The following DLGAP1 variants were observed in gnomAD, a reference collection of about 807,000 sequenced individuals.
The protein encoded by DLGAP1 is DLG associated protein 1.
A neutral mutation model predicts 90.8 loss-of-function variants in DLGAP1; 11 were observed. The ratio of observed to expected loss-of-function variants is 0.12; its 90% CI spans 0.08 to 0.20. The LOEUF is 0.20. Among genes scored for constraint, DLGAP1 ranks in the 10% least tolerant of loss-of-function variants. The pLI is 1.00. For synonymous variants in DLGAP1, 558 were observed against 540.7 expected, an observed-to-expected ratio of 1.03 and a Z score of -0.44; for missense variants, 1,050 against 1,333.8, an observed-to-expected ratio of 0.79 and a Z score of 3.31.
At chr18:3,962,200 T>C (rs937522471) in intron 3 of DLGAP1, among the ~76,000 whole-genome samples, 4 of 152,244 alleles carry the variant, frequency 2.6e-5, no homozygotes, top group Non-Finnish European at 4.4e-5. Flanking sequence ...GCAGTCCTTC[T>C]TTTTTGGATT....
intron 7 of DLGAP1, among the ~76,000 whole-genome samples, chr18:3,672,765 C>T (rs182580948): frequency 2.9e-4 from 44 of 152,070 alleles, no homozygotes; most frequent in Non-Finnish European, 2.9e-4. Flanking sequence ...ATAGTGGTGG[C>T]GAGCACATGT....
chr18:4,276,747 T>A (rs2079425671), intron 1 of DLGAP1, among the ~76,000 whole-genome samples: 1 of 152,250 alleles, frequency 6.6e-6, no homozygotes, highest in African/African-American at 2.4e-5. Context: ...CTATTTTTTA[T>A]GCATAAGGTC....
intron 1 of DLGAP1, among the ~76,000 whole-genome samples, chr18:4,250,385 G>A (rs370053248): frequency 3.3e-5 from 5 of 152,254 alleles, no homozygotes; most frequent in East Asian, 3.9e-4. Flanking sequence ...TAACAGGAAC[G>A]AAAAATAATG....
At chr18:3,552,812 A>AC (rs2053549657) in intron 9 of DLGAP1, among the ~76,000 whole-genome samples, 1 of 152,182 alleles carries the variant, frequency 6.6e-6, no homozygotes, top group Non-Finnish European at 1.5e-5. Context: ...CAGAGCGCCC[A>AC]ATGCCACCCA....
chr18:3,852,605 C>T (rs111480063), intron 4 of DLGAP1, among the ~76,000 whole-genome samples: 12 of 152,194 alleles, frequency 7.9e-5, no homozygotes, highest in African/African-American at 2.6e-4. Context: ...TTAAATGATC[C>T]AACATGACAG....
At chr18:3,878,975 A>G (rs1599091895) in intron 4 of DLGAP1, 137 bp downstream of exon 4, 1 of 674,400 alleles carries the variant, frequency 1.5e-6, no homozygotes, top group Non-Finnish European at 2.2e-6. Context: ...AATTCGGCAC[A>G]GAGATGCCGA....
At chr18:4,261,774 A>G (rs2079008105) in intron 1 of DLGAP1, among the ~76,000 whole-genome samples, 3 of 152,302 alleles carry the variant, frequency 2.0e-5, no homozygotes, top group South Asian at 2.1e-4. Context: ...TCCTCATGCT[A>G]AAAGGTAAAT....
chr18:4,121,311 A>T (rs1034782443), intron 2 of DLGAP1, among the ~76,000 whole-genome samples: 4 of 152,176 alleles, frequency 2.6e-5, no homozygotes, highest in African/African-American at 7.2e-5. Context: ...TGTGGAAGTC[A>T]GGATGGGCAA....
chr18:3,529,768 A>G (rs964828396), intron 10 of DLGAP1, among the ~76,000 whole-genome samples: 13 of 152,192 alleles, frequency 8.5e-5, no homozygotes, highest in African/African-American at 3.1e-4. Flanking sequence ...TTGAACAACA[A>G]ATTAGGCCTG....
chr18:4,255,493 A>G (rs545332045), intron 1 of DLGAP1, among the ~76,000 whole-genome samples: 1 of 138,268 alleles, frequency 7.2e-6, no homozygotes, highest in South Asian at 2.1e-4. Context: ...ATATATTTAT[A>G]TACAGATGAA....
chr18:3,530,193 G>A (rs2051899561), intron 10 of DLGAP1, among the ~76,000 whole-genome samples: 1 of 152,136 alleles, frequency 6.6e-6, no homozygotes, highest in East Asian at 1.9e-4. Context: ...ATTGCTTGAG[G>A]CCAGGAGTTT....
intron 8 of DLGAP1, among the ~76,000 whole-genome samples, chr18:3,568,906 TC>T (rs2054596016): frequency 6.6e-6 from 1 of 151,952 alleles, no homozygotes; most frequent in African/African-American, 2.4e-5. Context: ...CAGGATGGTC[TC>T]GATCTCCTGA....
chr18:4,133,949 A>C (rs982757257), intron 2 of DLGAP1, among the ~76,000 whole-genome samples: 1 of 151,896 alleles, frequency 6.6e-6, no homozygotes, highest in African/African-American at 2.4e-5. Flanking sequence ...AGAAAGAATA[A>C]ATCGAGGATG....
At chr18:4,073,971 T>C (rs141928854) in intron 2 of DLGAP1, among the ~76,000 whole-genome samples, 3 of 152,252 alleles carry the variant, frequency 2.0e-5, no homozygotes, top group African/African-American at 4.8e-5. Flanking sequence ...GAAGTGAAGA[T>C]GAAGACATTG....
Position 3,577,644 on chromosome 18 carries a change from A to C in DLGAP1, c.1965+4231T>G, listed in dbSNP as rs1310402155. On this transcript the variant is annotated intron_variant, in intron 8 of 12. Coordinates refer to ENST00000315677, the MANE Select transcript of DLGAP1 (RefSeq NM_004746.4). ...GGGTTCATCAGAACAAGAATGGAGG[A>C]TATTGTTCTCTGCCTGGTCCAAGCC... Among the ~76,000 whole-genome samples the C allele has an allele frequency of 3.9e-5, 6 of 152,182 alleles. No individual in the cohort carries two copies. In the South Asian group the frequency reaches 1.0e-3, roughly 26 times the overall value.
chr18:3,937,867 A>T (rs2072677694), intron 3 of DLGAP1, among the ~76,000 whole-genome samples: 1 of 152,180 alleles, frequency 6.6e-6, no homozygotes, highest in Non-Finnish European at 1.5e-5. Flanking sequence ...TCTGGCTATG[A>T]TGTTTGCAAG....
At chr18:3,715,233 T>G (rs2061724970) in intron 7 of DLGAP1, among the ~76,000 whole-genome samples, 1 of 152,120 alleles carries the variant, frequency 6.6e-6, no homozygotes, top group South Asian at 2.1e-4. Flanking sequence ...CCCCTAGAGC[T>G]GTTGGAATGG....
chr18:3,933,070 G>A (rs1324450741), intron 3 of DLGAP1, among the ~76,000 whole-genome samples: 2 of 152,212 alleles, frequency 1.3e-5, no homozygotes, highest in Non-Finnish European at 2.9e-5. Flanking sequence ...CTTGGGAGTT[G>A]CAGTTGGTTC....
chr18:3,593,432 G>C (rs914427308), intron 7 of DLGAP1, among the ~76,000 whole-genome samples: 4 of 152,324 alleles, frequency 2.6e-5, no homozygotes, highest in Non-Finnish European at 5.9e-5. Flanking sequence ...GAGATCAGAG[G>C]CTGTTGGGGT....
Sources: allele counts gnomAD v4.1 joint callset (sites outside exome capture counted in the v4.1 genomes callset), GRCh38; gene constraint gnomAD v4.1.1; transcripts MANE v1.5; gene names NCBI Gene and HGNC (gene_info 2026-07-23, HGNC 2026-07-21).